Variants in CCDC7 observed in about 807,000 individuals in gnomAD.
CCDC7 encodes coiled-coil domain containing 7, also known as coiled-coil domain-containing protein 7.
In CCDC7, 183 loss-of-function variants were observed where a neutral mutation model predicts 196.9. That is an observed-to-expected ratio of 0.93 (90% CI 0.82 to 1.05). CCDC7 has a LOEUF of 1.05. Among genes scored for constraint, CCDC7 ranks in the 50% least tolerant of loss-of-function variants. CCDC7 has a pLI of 0.00. For missense variants in CCDC7, 1,540 were observed against 1,482.2 expected (o/e 1.04, Z -0.64); for synonymous variants, 525 against 484.6 (o/e 1.08, Z -1.10).
intron 18 of CCDC7, among the ~76,000 whole-genome samples, chr10:32,584,817 T>C (rs1253397556): frequency 6.6e-6 from 1 of 151,116 alleles, no homozygotes; most frequent in African/African-American, 2.4e-5. Flanking sequence ...AGAGTCTATT[T>C]TAACTAAGAT....
At chr10:32,859,481 C>T (rs571752859) in intron 41 of CCDC7, among the ~76,000 whole-genome samples, 1 of 151,980 alleles carries the variant, frequency 6.6e-6, no homozygotes, top group South Asian at 2.1e-4. Flanking sequence ...GATCTAAAAT[C>T]GACACACTAA....
chr10:32,547,129 C>T (rs529055593), intron 13 of CCDC7, among the ~76,000 whole-genome samples: 19 of 152,134 alleles, frequency 1.2e-4, no homozygotes, highest in African/African-American at 3.9e-4. Flanking sequence ...GCCATCCTCC[C>T]GCCTCACCCT....
chr10:32,881,303 T>A (rs911162366), downstream of CCDC7, among the ~76,000 whole-genome samples: 2 of 152,176 alleles, frequency 1.3e-5, no homozygotes, highest in Admixed American at 1.3e-4. Flanking sequence ...GTTGTGTTCT[T>A]ATCTATGTCA....
chr10:32,836,488 C>T (rs1363478373), intron 33 of CCDC7, among the ~76,000 whole-genome samples: 4 of 152,160 alleles, frequency 2.6e-5, no homozygotes, highest in African/African-American at 4.8e-5. Context: ...AACTAGTTTA[C>T]GGTCCCACCA....
intron 15 of CCDC7, among the ~76,000 whole-genome samples, chr10:32,570,811 T>C (rs1240979048): frequency 6.6e-6 from 1 of 152,134 alleles, no homozygotes; most frequent in Non-Finnish European, 1.5e-5. Flanking sequence ...GAAAATTAGT[T>C]TGTTGACCAT....
chr10:32,715,512 C>G (rs2081434416), intron 25 of CCDC7, among the ~76,000 whole-genome samples: 2 of 152,274 alleles, frequency 1.3e-5, no homozygotes, highest in East Asian at 3.9e-4. Flanking sequence ...GATCACAACT[C>G]CTCGTCAGCA....
At chr10:32,546,503 A>G (rs1018094822) in intron 13 of CCDC7, among the ~76,000 whole-genome samples, 2 of 152,230 alleles carry the variant, frequency 1.3e-5, no homozygotes, top group Non-Finnish European at 2.9e-5. Flanking sequence ...TATATCACCC[A>G]TTTCAGTGAA....
chr10:32,592,271 C>A (rs2059850328), intron 18 of CCDC7, among the ~76,000 whole-genome samples: 1 of 151,920 alleles, frequency 6.6e-6, no homozygotes, highest in African/African-American at 2.4e-5. Flanking sequence ...TCAATTTTGT[C>A]AGCCTTTTCA....
At chr10:32,465,080 G>A (rs948232273) in intron 5 of CCDC7, among the ~76,000 whole-genome samples, 10 of 151,136 alleles carry the variant, frequency 6.6e-5, no homozygotes, top group Non-Finnish European at 1.5e-4. Context: ...GAGAAAAATA[G>A]AGTAGACAGT....
chr10:32,497,747 G>A (rs1335000824), intron 9 of CCDC7, among the ~76,000 whole-genome samples: 1 of 152,136 alleles, frequency 6.6e-6, no homozygotes, highest in African/African-American at 2.4e-5. Context: ...TTGCACTGTG[G>A]TCTGAGAGAC....
At chr10:32,452,299 T>C (rs1194647642) in intron 1 of CCDC7, among the ~76,000 whole-genome samples, 2 of 152,194 alleles carry the variant, frequency 1.3e-5, no homozygotes, top group Admixed American at 6.5e-5. Flanking sequence ...AACAATGTTA[T>C]ACAAACAGTT....
intron 39 of CCDC7, among the ~76,000 whole-genome samples, chr10:32,850,585 G>T (rs2093515057): frequency 6.6e-6 from 1 of 152,124 alleles, no homozygotes; most frequent in African/African-American, 2.4e-5. Context: ...TGCTGATTGA[G>T]AATATTCATG....
At chr10:32,769,414 A>G (rs2078820371) in intron 28 of CCDC7, among the ~76,000 whole-genome samples, 2 of 151,494 alleles carry the variant, frequency 1.3e-5, no homozygotes, top group African/African-American at 4.8e-5. Flanking sequence ...ATAGTGATTT[A>G]TCAATTTTTA....
At chr10:32,623,780 C>T (rs1006395410) in intron 18 of CCDC7, 5 of 470,324 alleles carry the variant, frequency 1.1e-5, no homozygotes, top group East Asian at 7.0e-5. Flanking sequence ...AGCTTCTACT[C>T]GTGCAGGAAG....
At chr10:32,593,073 A>G (rs1254362818) in intron 18 of CCDC7, among the ~76,000 whole-genome samples, 2 of 152,214 alleles carry the variant, frequency 1.3e-5, no homozygotes, top group Non-Finnish European at 2.9e-5. Flanking sequence ...CAGTAATGGG[A>G]TGGCTGGATC....
At chr10:32,684,431 G>A (rs1212332809) in intron 21 of CCDC7, among the ~76,000 whole-genome samples, 1 of 152,168 alleles carries the variant, frequency 6.6e-6, no homozygotes. Context: ...CATGGCAGAG[G>A]TATGTGTCCC....
intron 2 of CCDC7, among the ~76,000 whole-genome samples, chr10:32,455,718 G>A (rs2034187516): frequency 6.6e-6 from 1 of 152,168 alleles, no homozygotes; most frequent in South Asian, 2.1e-4. Flanking sequence ...TTTATCATGA[G>A]TCAATTCTCT....
At chr10:32,843,469 A>T (rs1386442617) in intron 33 of CCDC7, among the ~76,000 whole-genome samples, 2 of 152,034 alleles carry the variant, frequency 1.3e-5, no homozygotes, top group African/African-American at 4.8e-5. Flanking sequence ...ATCTTAAAAA[A>T]CATTGAATCG....
At chr10:32,624,028 A>G (rs1025785320) in intron 18 of CCDC7, among the ~76,000 whole-genome samples, 1 of 152,208 alleles carries the variant, frequency 6.6e-6, no homozygotes, top group East Asian at 1.9e-4. Flanking sequence ...GGGGACCAGT[A>G]TCCAAACCAT....
Sources: gnomAD v4.1 joint callset for allele counts (sites outside exome capture counted in the v4.1 genomes callset) on GRCh38, gnomAD v4.1.1 for gene constraint, MANE v1.5 for transcripts, NCBI Gene and HGNC (gene_info 2026-07-23, HGNC 2026-07-21) for gene names.